Variants in SYTL2 observed in about 807,000 individuals in gnomAD.
SYTL2 encodes synaptotagmin like 2.
A neutral mutation model predicts 198.7 loss-of-function variants in SYTL2; 165 were observed. The ratio of observed to expected loss-of-function variants is 0.83; its 90% CI spans 0.73 to 0.94. The LOEUF (loss-of-function observed/expected upper bound fraction) is 0.94. Among genes scored for constraint, SYTL2 ranks in the 40% least tolerant of loss-of-function variants. SYTL2 has a pLI of 0.00. For synonymous variants in SYTL2, 966 were observed against 917.7 expected, an observed-to-expected ratio of 1.05 and a Z score of -0.95; for missense variants, 2,835 against 2,582.8, an observed-to-expected ratio of 1.10 and a Z score of -2.12.
the SYTL2 span, among the ~76,000 whole-genome samples, chr11:85,821,452 G>C: frequency 6.6e-6 from 1 of 152,206 alleles, no homozygotes; most frequent in African/African-American, 2.4e-5. Context: ...AGGCACCAGA[G>C]CTGGGAGAAG....
chr11:85,852,309 C>A, the SYTL2 span, among the ~76,000 whole-genome samples: 1 of 152,184 alleles, frequency 6.6e-6, no homozygotes. Context: ...AATGTAACTA[C>A]CAGGACATAG....
chr11:85,727,814 G>A lies in SYTL2; in HGVS notation c.1544C>T (p.Thr515Ile). The change falls in exon 8 of 20, where the codon ACT (threonine) becomes ATT (isoleucine). Residue 515 changes from threonine (T) to isoleucine (I), a missense_variant. Physicochemically the swap from Thr to Ile is moderately conservative, Grantham distance 89 (BLOSUM62 -1). Transcript: ENST00000359152. ...TAGAACTTTAAATATGGAATCATCAGTTGACTTCTTTATCTCAGTGGCATA... is the reference window on the plus strand; with the variant it reads ...TAGAACTTTAAATATGGAATCATCAATTGACTTCTTTATCTCAGTGGCATA... Reference protein sequence around the residue: ...GPYATEIKKSTDDSIFKVLDW... With the variant: ...GPYATEIKKSIDDSIFKVLDW... The A allele has an allele frequency of 2.5e-6, 4 of 1,608,216 alleles. No homozygotes were observed. The highest frequency in any genetic ancestry group is 3.4e-6 in the Non-Finnish European group (4 of 1,177,474).
chr11:85,757,326 A>G (rs1339772525), intron 2 of SYTL2, among the ~76,000 whole-genome samples: 1 of 152,210 alleles, frequency 6.6e-6, no homozygotes, highest in Non-Finnish European at 1.5e-5. Context: ...ACACACACAC[A>G]CACAAATGTA....
chr11:85,799,409 G>A (rs1592071777), intron 1 of SYTL2, among the ~76,000 whole-genome samples: 1 of 152,306 alleles, frequency 6.6e-6, no homozygotes, highest in East Asian at 1.9e-4. Context: ...TGATGAACCA[G>A]GAAGATTTCA....
intron 1 of SYTL2, among the ~76,000 whole-genome samples, chr11:85,777,810 T>G (rs1010920856): frequency 8.1e-6 from 1 of 123,120 alleles, no homozygotes; most frequent in African/African-American, 3.2e-5. Context: ...CAGGTCTTAC[T>G]TCTTTTTTTT....
Position 85,734,463 on chromosome 11 carries a change from C to T in SYTL2, c.866G>A (p.Arg289His), listed in dbSNP as rs34770350. The stretch of plus-strand genomic sequence containing the variant: ...TTTGGGTTCAAAGTTGTGATTATAA[C>T]GAAGGGTTTCTGAGTCTGTGCTACT... ...SSSSTDSETLRYNHNFEPKSK... is the reference protein window; with the variant it reads ...SSSSTDSETLHYNHNFEPKSK... The change falls in exon 7 of 20, where the codon CGT (arginine) becomes CAT (histidine). Residue 289 changes from arginine (R) to histidine (H), a missense_variant. Physicochemically the swap from Arg to His is conservative, Grantham distance 29. Transcript: ENST00000359152. 326 of 1,614,172 alleles carry T rather than the reference C, an allele frequency of 2.0e-4. 1 individual carries two copies. The African/African-American group carries it at 3.5e-3, about 17-fold the overall frequency.
the SYTL2 span, chr11:85,853,532 A>G: frequency 0.54 from 113,869 of 211,546 alleles, 31,362 homozygotes; most frequent in African/African-American, 0.61. Flanking sequence ...GCGGAAGGCC[A>G]CAGGGTCCTC....
intron 8 of SYTL2, among the ~76,000 whole-genome samples, chr11:85,723,355 G>A (rs1490760051): frequency 6.6e-6 from 1 of 152,180 alleles, no homozygotes; most frequent in Non-Finnish European, 1.5e-5. Context: ...CTCTAGAAAG[G>A]GAAGATTGTG....
At chr11:85,713,741 G>A (rs1037084526) in intron 12 of SYTL2, among the ~76,000 whole-genome samples, 9 of 152,152 alleles carry the variant, frequency 5.9e-5, no homozygotes, top group African/African-American at 2.2e-4. Context: ...TAGGTACCTG[G>A]CACATATTAG....
chr11:85,791,163 C>T (rs1428881326), intron 1 of SYTL2, among the ~76,000 whole-genome samples: 3 of 51,018 alleles, frequency 5.9e-5, no homozygotes, highest in African/African-American at 1.5e-4. Flanking sequence ...CTAGAGTCTG[C>T]CTCAAAAAAA....
At chr11:85,697,286 C>T (rs1394928252) in intron 18 of SYTL2, among the ~76,000 whole-genome samples, 2 of 152,136 alleles carry the variant, frequency 1.3e-5, no homozygotes, top group African/African-American at 2.4e-5. Flanking sequence ...GTGATCCGTC[C>T]GCCTTGGCCT....
chr11:85,771,933 T>C (rs2092363089), intron 1 of SYTL2, among the ~76,000 whole-genome samples: 1 of 152,170 alleles, frequency 6.6e-6, no homozygotes, highest in East Asian at 1.9e-4. Flanking sequence ...GACAGGATCT[T>C]GCTCTATCAC....
intron 10 of SYTL2, 105 bp from the exon 11 acceptor site, chr11:85,717,635 T>A (rs1021574214): frequency 1.2e-5 from 11 of 915,664 alleles, no homozygotes; most frequent in Non-Finnish European, 2.0e-5. Flanking sequence ...GACAGCAGAA[T>A]ACATCTGACA....
intron 1 of SYTL2, among the ~76,000 whole-genome samples, chr11:85,787,123 G>A (rs550733647): frequency 5.9e-5 from 9 of 152,324 alleles, no homozygotes; most frequent in African/African-American, 1.4e-4. Flanking sequence ...GCCTGCTGTA[G>A]TAGCAAGTGC....
At chr11:85,816,766 T>C in the SYTL2 span, among the ~76,000 whole-genome samples, 1 of 151,892 alleles carries the variant, frequency 6.6e-6, no homozygotes, top group African/African-American at 2.4e-5. Flanking sequence ...AAATAAAAAA[T>C]AGCTGGACGT....
the SYTL2 span, among the ~76,000 whole-genome samples, chr11:85,827,936 A>C: frequency 6.6e-6 from 1 of 152,200 alleles, no homozygotes; most frequent in African/African-American, 2.4e-5. Context: ...GTGGCCATTG[A>C]GAGTTACTGG....
chr11:85,788,424 G>T (rs2092671440), intron 1 of SYTL2, among the ~76,000 whole-genome samples: 1 of 152,130 alleles, frequency 6.6e-6, no homozygotes, highest in Non-Finnish European at 1.5e-5. Flanking sequence ...AGATCCCAAA[G>T]ATAAGGGAAG....
chr11:85,726,698 G>A lies in SYTL2; in HGVS notation c.2660C>T (p.Pro887Leu). The change falls in exon 8 of 20, where the codon CCA (proline) becomes CTA (leucine). Residue 887 changes from proline (P) to leucine (L), a missense_variant. Pro to Leu is a moderately conservative substitution (Grantham distance 98). This residue lies in a region of SYTL2 where 2,645 missense variants were observed against 2,381.7 expected (regional missense o/e 1.11). Coordinates refer to ENST00000359152, the MANE Select transcript of SYTL2 (RefSeq NM_206927.4). ...CTCAGCTGAAAGATAGTATCTGGAT[G>A]GACCTGCTATTTGTGGCTTGGTCTC... Reference protein sequence around the residue: ...SKETKPQIAGPSRYYLSAEQS... With the variant: ...SKETKPQIAGLSRYYLSAEQS... The A allele has an allele frequency of 6.5e-7, 1 of 1,536,282 alleles. No homozygotes were observed. Among genetic ancestry groups the A allele is most frequent in the Non-Finnish European group, 8.7e-7 (1 of 1,146,920 alleles).
intron 1 of SYTL2, among the ~76,000 whole-genome samples, chr11:85,781,550 C>G (rs1271379241): frequency 6.6e-6 from 1 of 152,184 alleles, no homozygotes; most frequent in Non-Finnish European, 1.5e-5. Context: ...CAGAAGCCCA[C>G]AGTTCAAAGA....
Sources: allele counts gnomAD v4.1 joint callset (sites outside exome capture counted in the v4.1 genomes callset), GRCh38; gene constraint gnomAD v4.1.1; regional missense constraint gnomAD v4.1.1; transcripts MANE v1.5; gene names NCBI Gene and HGNC (gene_info 2026-07-23, HGNC 2026-07-21).